The following LAMC3 variants were observed in gnomAD, a reference collection of about 807,000 sequenced individuals.
LAMC3 encodes laminin subunit gamma-3.
LAMC3 carries 128 observed loss-of-function variants against 173.8 expected under a neutral mutation model. The ratio of observed to expected loss-of-function variants is 0.74; its 90% CI spans 0.64 to 0.85. LAMC3 has a LOEUF of 0.85. LAMC3 is among the 40% of genes least tolerant of loss of function. LAMC3 has a pLI of 0.00. For missense variants in LAMC3, 2,022 were observed against 2,156.0 expected, an observed-to-expected ratio of 0.94 and a Z score of 1.23; for synonymous variants, 897 against 909.1, an observed-to-expected ratio of 0.99 and a Z score of 0.24.
At chr9:131,085,343 C>T (rs890932365) in intron 24 of LAMC3, among the ~76,000 whole-genome samples, 181 bp from the exon 25 acceptor site, 2 of 152,186 alleles carry the variant, frequency 1.3e-5, no homozygotes, top group African/African-American at 2.4e-5. Flanking sequence ...GTCTGTGTCT[C>T]GCTTGCTTTT....
rs544632621 is a variant in LAMC3 at position 131,035,218 on chromosome 9, G to T, written c.810-948G>T. ...GCCCACCTTGGCCTCCCAAAGTGCT[G>T]GGATTACAGGTGTGAGCCACCATGC... On this transcript the variant is annotated intron_variant, in intron 3 of 27. Transcript: ENST00000361069. Among the ~76,000 whole-genome samples the T allele has an allele frequency of 2.0e-5, 3 of 152,270 alleles. No homozygotes were observed. In the East Asian group the frequency reaches 5.8e-4, roughly 29 times the overall value.
chr9:131,038,714 C>A, intron 4 of LAMC3, 150 bp from the exon 5 acceptor site: 2 of 836,856 alleles, frequency 2.4e-6, no homozygotes, highest in Admixed American at 1.7e-5. Flanking sequence ...TAGCCTTGAT[C>A]AAGCTGGGCC....
In LAMC3 at chr9:131,072,820, C is replaced by T. The variant is rs1230461818; in HGVS notation, c.3402C>T (p.Ala1134=). The T allele has an allele frequency of 1.2e-6, 2 of 1,611,518 alleles. No homozygotes were observed. The highest frequency in any genetic ancestry group is 1.7e-5 in the Admixed American group (1 of 59,644). Residue 1134 remains alanine (A), a synonymous_variant, in exon 19 of 28, where the codon GCC becomes GCT. Transcript: ENST00000361069. ...SSEEEILHAA[A]ILASLEIPQE... ...AAGAGGAGATTCTGCATGCAGCTGC[C>T]ATTCTCGCGTCTCTGGTATCCCAGG...
chr9:131,077,147 T>C, intron 21 of LAMC3, 40 bp from the exon 22 acceptor site: 1 of 1,610,790 alleles, frequency 6.2e-7, no homozygotes, highest in East Asian at 2.2e-5. Flanking sequence ...TGGGGAGGGC[T>C]AGTTCTGCAC....
At chr9:131,067,863 T>C (rs562235190) in intron 14 of LAMC3, among the ~76,000 whole-genome samples, 2 of 152,294 alleles carry the variant, frequency 1.3e-5, no homozygotes, top group South Asian at 4.1e-4. Context: ...TCTGTTACCA[T>C]GACCGTCCTG....
chr9:131,027,663 C>T (rs565672080), intron 2 of LAMC3, among the ~76,000 whole-genome samples: 6 of 152,192 alleles, frequency 3.9e-5, no homozygotes, highest in African/African-American at 1.4e-4. Flanking sequence ...ATTAACTTAG[C>T]CACATGTGGC....
chr9:131,083,865 CTTTTTTTTTTTTT>C (rs61109597), intron 24 of LAMC3, among the ~76,000 whole-genome samples: 2 of 49,218 alleles, frequency 4.1e-5, no homozygotes, highest in Non-Finnish European at 6.9e-5. Flanking sequence ...GTAATAAGTG[CTTTTTTTTTTTTT>C]TTTTTTTTTT....
chr9:131,076,107 C>A, intron 21 of LAMC3, 142 bp downstream of exon 21: 2 of 877,546 alleles, frequency 2.3e-6, no homozygotes, highest in Non-Finnish European at 3.4e-6. Context: ...TCTGCATCCT[C>A]CTCGGAGTGG....
chr9:131,026,899 C>T lies in LAMC3; in HGVS notation c.678+310C>T, dbSNP rs1159437107. On this transcript the variant is annotated intron_variant, in intron 2 of 27. Coordinates refer to ENST00000361069, the MANE Select transcript of LAMC3 (RefSeq NM_006059.4). The surrounding 1 kb of genome is among the most constrained non-coding windows in gnomAD (Gnocchi z 4.8). ...TTCTTTTTTGTATTTTTAGTAGAGA[C>T]GGGGGTTTCGCCATGTTGGCCAGGC... is the stretch of plus-strand genomic sequence containing the variant. Among the ~76,000 whole-genome samples the T allele has an allele frequency of 2.6e-5, 4 of 152,142 alleles. No individual in the cohort carries two copies. Among genetic ancestry groups the T allele is most frequent in the Middle Eastern group, 3.4e-3 (1 of 294 alleles).
intron 22 of LAMC3, 102 bp downstream of exon 22, chr9:131,077,436 G>C: frequency 6.8e-7 from 1 of 1,468,494 alleles, no homozygotes; most frequent in South Asian, 1.2e-5. Context: ...CAGCACTTTG[G>C]GAGGCCGAGG....
intron 20 of LAMC3, among the ~76,000 whole-genome samples, chr9:131,074,424 G>A (rs1030740420): frequency 1.3e-5 from 2 of 151,152 alleles, no homozygotes; most frequent in African/African-American, 4.8e-5. Flanking sequence ...GGCTGGGTGC[G>A]GTGGCTCACG....
At chr9:131,078,604 C>T (rs568376183) in intron 22 of LAMC3, among the ~76,000 whole-genome samples, 1 of 152,232 alleles carries the variant, frequency 6.6e-6, no homozygotes, top group East Asian at 1.9e-4. Context: ...CCACTGCGTG[C>T]GGAGAGTAAT....
chr9:131,018,275 C>T (rs1833563541), intron 1 of LAMC3, among the ~76,000 whole-genome samples: 1 of 151,494 alleles, frequency 6.6e-6, no homozygotes, highest in Non-Finnish European at 1.5e-5. Flanking sequence ...GCTGGGATTA[C>T]AGGTGCATGC....
At position 131,009,267 on chromosome 9, in the gene LAMC3, C is replaced by T; in HGVS notation, c.53C>T (p.Ala18Val). The T allele has an allele frequency of 7.7e-7, 1 of 1,306,584 alleles. No individual in the cohort carries two copies. The allele number at this position is 1,306,584 out of a possible 1,614,324, so 80.9% of individuals were successfully genotyped here. A position where few individuals can be genotyped will look rare whatever the true frequency, so the allele number is the denominator to read the frequency against. Residue 18 changes from alanine (A) to valine (V), a missense_variant, in exon 1 of 28, where the codon GCC becomes GTC. By Grantham distance (64) the Ala-to-Val change is moderately conservative. Coordinates refer to ENST00000361069, the MANE Select transcript of LAMC3 (RefSeq NM_006059.4). This position sits in a 1 kb window ranked among gnomAD's most constrained non-coding sequence, Gnocchi z 4.3. ...LGLALLAPRA[A>V]GAGMGACYDG... ...CTGGCGCTGCTGGCACCGCGGGCGG[C>T]CGGCGCGGGCATGGGCGCGTGCTAT...
chr9:131,060,594 A>G (rs1829786414), intron 12 of LAMC3, among the ~76,000 whole-genome samples: 1 of 151,998 alleles, frequency 6.6e-6, no homozygotes, highest in Non-Finnish European at 1.5e-5. Context: ...CAGTGAGCCA[A>G]ATTGCACCAC....
chr9:131,070,237 TA>T (rs1451234593), intron 17 of LAMC3, among the ~76,000 whole-genome samples: 1 of 152,242 alleles, frequency 6.6e-6, no homozygotes, highest in Non-Finnish European at 1.5e-5. Flanking sequence ...GCTCTAGGGT[TA>T]ACCCATTGGG....
chr9:131,077,557 A>G (rs1830153663), intron 22 of LAMC3, among the ~76,000 whole-genome samples: 1 of 151,368 alleles, frequency 6.6e-6, no homozygotes, highest in Non-Finnish European at 1.5e-5. Flanking sequence ...CGTGCCTGTA[A>G]CCCCAGCTAC....
intron 12 of LAMC3, among the ~76,000 whole-genome samples, chr9:131,057,392 TAA>T (rs1829701974): frequency 6.6e-6 from 1 of 152,246 alleles, no homozygotes; most frequent in East Asian, 1.9e-4. Flanking sequence ...TATCAGGTGA[TAA>T]CCATAAGCCA....
chr9:131,024,503 C>T (rs982731496), intron 1 of LAMC3, among the ~76,000 whole-genome samples: 5 of 152,034 alleles, frequency 3.3e-5, no homozygotes, highest in Non-Finnish European at 5.9e-5. Flanking sequence ...GGCTTGTCCT[C>T]GGCACCTAAG....
Sources: allele counts gnomAD v4.1 joint callset (sites outside exome capture counted in the v4.1 genomes callset), GRCh38; gene constraint gnomAD v4.1.1; non-coding constraint Gnocchi (gnomAD v3.1); transcripts MANE v1.5; gene names NCBI Gene and HGNC (gene_info 2026-07-23, HGNC 2026-07-21).